Variants in CCDC91 observed in about 807,000 individuals in gnomAD.
CCDC91 encodes coiled-coil domain containing 91.
A neutral mutation model predicts 63.2 loss-of-function variants in CCDC91; 48 were observed. The ratio of observed to expected loss-of-function variants is 0.76; its 90% CI spans 0.60 to 0.97. CCDC91 has a LOEUF of 0.97. CCDC91 is among the 50% of genes least tolerant of loss of function. The pLI is 0.00. For missense variants in CCDC91, 500 were observed against 494.6 expected (o/e 1.01, Z -0.10); for synonymous variants, 167 against 165.8 (o/e 1.01, Z -0.06).
At chr12:28,284,826 T>C (rs1423875417) in intron 3 of CCDC91, among the ~76,000 whole-genome samples, 1 of 152,182 alleles carries the variant, frequency 6.6e-6, no homozygotes, top group East Asian at 1.9e-4. Context: ...CTCTGAGATA[T>C]ATTCTTTCTT....
intron 8 of CCDC91, among the ~76,000 whole-genome samples, chr12:28,426,374 T>A (rs1385893127): frequency 2.0e-5 from 3 of 152,194 alleles, no homozygotes; most frequent in Non-Finnish European, 4.4e-5. Context: ...TTAGAAAATT[T>A]GTGGCTATTG....
intron 6 of CCDC91, among the ~76,000 whole-genome samples, chr12:28,315,751 C>T (rs187105704): frequency 4.6e-4 from 70 of 151,800 alleles, no homozygotes; most frequent in African/African-American, 1.6e-3. Flanking sequence ...AAAGTCTACA[C>T]CTCATCCTCT....
At chr12:28,309,425 T>C (rs992218642) in intron 6 of CCDC91, among the ~76,000 whole-genome samples, 1 of 152,080 alleles carries the variant, frequency 6.6e-6, no homozygotes, top group Admixed American at 6.6e-5. Context: ...ACAAGTTTTA[T>C]CTCTAACCTA....
Position 28,362,280 on chromosome 12 carries a change from T to TTATATATATATATATATA in CCDC91, c.577-143_577-142insATATATATATATATATAT, listed in dbSNP as rs71438746. 5.7e-4 allele frequency among the ~76,000 whole-genome samples: 75 copies of TTATATATATATATATATA among 131,818 alleles called. 1 individual carries two copies. The highest frequency in any genetic ancestry group is 7.5e-4 in the Admixed American group (10 of 13,344). The allele number at this position is 131,818 out of a possible 152,430, so 86.5% of individuals were successfully genotyped here. A position where few individuals can be genotyped will look rare whatever the true frequency, so the allele number is the denominator to read the frequency against. On this transcript the variant is annotated intron_variant, in intron 6 of 12. Coordinates refer to ENST00000536442, the MANE Select transcript of CCDC91 (RefSeq NM_018318.5). ...TTCTCCAATGCTTTTAAGCAAAGCT[T>TTATATATATATATATATA]TATATATATATATATGTTTTCTCTT...
intron 1 of CCDC91, among the ~76,000 whole-genome samples, chr12:28,230,852 T>C (rs1376790812): frequency 2.0e-5 from 3 of 152,164 alleles, no homozygotes; most frequent in East Asian, 1.9e-4. Flanking sequence ...CTCGAACTCC[T>C]GGACTCAAGT....
At chr12:28,436,316 CT>C (rs1948903416) in intron 8 of CCDC91, among the ~76,000 whole-genome samples, 1 of 151,708 alleles carries the variant, frequency 6.6e-6, no homozygotes, top group South Asian at 2.1e-4. Flanking sequence ...ACATTTACAA[CT>C]AATCCAATTT....
In CCDC91 at chr12:28,456,062, A is replaced by G. The variant is rs559866175; in HGVS notation, c.1101+3408A>G. Among the ~76,000 whole-genome samples the G allele has an allele frequency of 9.7e-4, 147 of 152,270 alleles. 1 individual carries two copies. The highest frequency in any genetic ancestry group is 2.8e-3 in the African/African-American group (116 of 41,568). On this transcript the variant is annotated intron_variant, in intron 11 of 12. Coordinates refer to ENST00000536442, the MANE Select transcript of CCDC91 (RefSeq NM_018318.5). ...TTAGTATAAAGTACAGATTTATGTC[A>G]TTTATCATTTAGTGTTTGAAATGAT...
chr12:28,439,849 A>G (rs1425201826), intron 8 of CCDC91, among the ~76,000 whole-genome samples: 1 of 151,442 alleles, frequency 6.6e-6, no homozygotes, highest in African/African-American at 2.4e-5. Flanking sequence ...GGGGAAAACA[A>G]CTGTTTCTGA....
chr12:28,280,700 C>G (rs1444038401), intron 3 of CCDC91, among the ~76,000 whole-genome samples: 3 of 151,746 alleles, frequency 2.0e-5, no homozygotes, highest in Admixed American at 6.6e-5. Context: ...ACTGTGCAGC[C>G]TGATGCAGTG....
chr12:28,521,032 T>C (rs1023551735), intron 12 of CCDC91, among the ~76,000 whole-genome samples: 6 of 152,186 alleles, frequency 3.9e-5, no homozygotes, highest in African/African-American at 1.4e-4. Flanking sequence ...TTCTTTTGGC[T>C]TAGGATTGAC....
chr12:28,197,523 A>G (rs913928186), intron 1 of CCDC91, among the ~76,000 whole-genome samples: 4 of 151,954 alleles, frequency 2.6e-5, no homozygotes, highest in East Asian at 3.9e-4. Flanking sequence ...ATTTTTTTCC[A>G]TTTCATAGAC....
chr12:28,246,995 T>A (rs1281474132), intron 1 of CCDC91, among the ~76,000 whole-genome samples: 1 of 152,192 alleles, frequency 6.6e-6, no homozygotes, highest in East Asian at 1.9e-4. Context: ...TAGAGTGTAA[T>A]ACCTTAGAAG....
intron 6 of CCDC91, among the ~76,000 whole-genome samples, chr12:28,335,057 A>C (rs1229262594): frequency 6.8e-6 from 1 of 146,030 alleles, no homozygotes; most frequent in East Asian, 2.0e-4. Flanking sequence ...ATAAATATTT[A>C]AAAAGTTAAA....
intron 12 of CCDC91, among the ~76,000 whole-genome samples, chr12:28,519,213 A>G (rs532687511): frequency 2.0e-5 from 3 of 151,946 alleles, no homozygotes; most frequent in South Asian, 2.1e-4. Context: ...TGTGTAGTCT[A>G]TGATTTCTTT....
intron 6 of CCDC91, among the ~76,000 whole-genome samples, chr12:28,344,557 A>G (rs1237127283): frequency 6.6e-6 from 1 of 152,162 alleles, no homozygotes; most frequent in Non-Finnish European, 1.5e-5. Context: ...ACAGAAGGTT[A>G]TGATAAAATC....
At chr12:28,340,238 G>A (rs1414409108) in intron 6 of CCDC91, among the ~76,000 whole-genome samples, 2 of 152,162 alleles carry the variant, frequency 1.3e-5, no homozygotes, top group African/African-American at 2.4e-5. Flanking sequence ...CAAATTTAGT[G>A]AGAAGAATGA....
chr12:28,254,358 T>C (rs1231738611), intron 1 of CCDC91, among the ~76,000 whole-genome samples: 1 of 152,338 alleles, frequency 6.6e-6, no homozygotes, highest in East Asian at 1.9e-4. Flanking sequence ...ATGTCAGATA[T>C]ATTTGCTGTT....
At chr12:28,483,727 T>A (rs762604102) in intron 11 of CCDC91, among the ~76,000 whole-genome samples, 1 of 152,136 alleles carries the variant, frequency 6.6e-6, no homozygotes, top group Non-Finnish European at 1.5e-5. Flanking sequence ...GGAAGTCTTA[T>A]GTGGATAGTG....
intron 3 of CCDC91, among the ~76,000 whole-genome samples, chr12:28,292,652 C>T (rs1949322113): frequency 6.6e-6 from 1 of 151,618 alleles, no homozygotes; most frequent in Non-Finnish European, 1.5e-5. Flanking sequence ...AGTATTTTCA[C>T]CATATTAATA....
Sources: allele counts gnomAD v4.1 joint callset (sites outside exome capture counted in the v4.1 genomes callset), GRCh38; gene constraint gnomAD v4.1.1; transcripts MANE v1.5; gene names NCBI Gene and HGNC (gene_info 2026-07-23, HGNC 2026-07-21).